BACH2: variants seen among roughly 807,000 people sequenced by gnomAD.
BACH2 encodes BACH transcriptional regulator 2, also known as transcription regulator protein BACH2.
A neutral mutation model predicts 61.8 loss-of-function variants in BACH2; 5 were observed. The observed-to-expected ratio is 0.08, with a 90% CI of 0.04 to 0.17. BACH2 has a LOEUF of 0.17. Among genes scored for constraint, BACH2 ranks in the 10% least tolerant of loss-of-function variants. BACH2 has a pLI of 1.00. For synonymous variants in BACH2, 446 were observed against 440.1 expected (o/e 1.01, Z -0.17); for missense variants, 824 against 1,091.1 (o/e 0.76, Z 3.45).
At chr6:90,285,452 T>C (rs1434889402) in intron 1 of BACH2, among the ~76,000 whole-genome samples, 1 of 152,190 alleles carries the variant, frequency 6.6e-6, no homozygotes, top group Non-Finnish European at 1.5e-5. Flanking sequence ...CTCTTTCTGA[T>C]CTTAGTAGGA....
chr6:90,266,636 T>C (rs1247903059), intron 2 of BACH2, among the ~76,000 whole-genome samples: 2 of 152,010 alleles, frequency 1.3e-5, no homozygotes, highest in Admixed American at 6.6e-5. Context: ...TTATGCTAAA[T>C]GAAAAAAGCC....
intron 6 of BACH2, among the ~76,000 whole-genome samples, chr6:89,982,889 A>G (rs1319643136): frequency 6.6e-6 from 1 of 152,146 alleles, no homozygotes; most frequent in African/African-American, 2.4e-5. Context: ...ATTCTAACAA[A>G]TGTTTTCTTT....
rs756865203 is a variant in BACH2, at chr6:89,950,463, G to A, written c.1643C>T (p.Ser548Leu). The A allele has an allele frequency of 6.2e-7, 1 of 1,614,166 alleles. No homozygotes were observed. Among genetic ancestry groups the A allele is most frequent in the Non-Finnish European group, 8.5e-7 (1 of 1,180,012 alleles). The stretch of plus-strand genomic sequence containing the variant: ...GAATCTGGCTCCCTGGGAACAGGGC[G>A]AGGAGGAGAACTCACAGAGAGGGAG... ...CSLPLCEFSS[S>L]PCSQGARFLA... The change falls in exon 7 of 9, where the codon TCG becomes TTG. Residue 548 changes from serine (S) to leucine (L), a missense_variant. By Grantham distance (145) the Ser-to-Leu change is moderately radical. Transcript: ENST00000257749. The surrounding 1 kb of genome is among the most constrained non-coding windows in gnomAD (Gnocchi z 5.3).
intron 5 of BACH2, among the ~76,000 whole-genome samples, chr6:90,024,005 G>A (rs147379092): frequency 4.6e-5 from 7 of 152,314 alleles, no homozygotes; most frequent in African/African-American, 1.4e-4. Flanking sequence ...CATTTAGAGC[G>A]AGGCAGTGTT....
chr6:90,204,213 AGT>A (rs1432854174), intron 4 of BACH2, among the ~76,000 whole-genome samples: 10 of 152,294 alleles, frequency 6.6e-5, no homozygotes, highest in African/African-American at 2.2e-4. Flanking sequence ...AGAGCATTAC[AGT>A]GTGTGTCTGA....
chr6:90,183,512 T>C (rs1206829314), intron 4 of BACH2, among the ~76,000 whole-genome samples: 2 of 152,242 alleles, frequency 1.3e-5, no homozygotes, highest in East Asian at 3.8e-4. Flanking sequence ...AAACTGATTA[T>C]GCTTGTCAAT....
chr6:90,261,949 G>A (rs1460412615), intron 2 of BACH2, among the ~76,000 whole-genome samples: 1 of 152,126 alleles, frequency 6.6e-6, no homozygotes, highest in East Asian at 1.9e-4. Context: ...TTCTGTAGGA[G>A]CAGAGTGACC....
intron 5 of BACH2, among the ~76,000 whole-genome samples, chr6:90,061,704 GA>G (rs1248003734): frequency 1.3e-5 from 2 of 151,084 alleles, no homozygotes; most frequent in South Asian, 4.2e-4. Flanking sequence ...GATTGAGAAG[GA>G]AAAAAAAATC....
intron 7 of BACH2, among the ~76,000 whole-genome samples, chr6:89,940,463 C>T (rs1322427692): frequency 6.6e-6 from 1 of 152,206 alleles, no homozygotes; most frequent in African/African-American, 2.4e-5. Flanking sequence ...TTTGTCACTC[C>T]CCTTCCCGAG....
chr6:89,973,247 T>TAA (rs71027916), intron 6 of BACH2, among the ~76,000 whole-genome samples: 3 of 150,364 alleles, frequency 2.0e-5, no homozygotes, highest in Non-Finnish European at 4.4e-5. Context: ...AGAATGAAAA[T>TAA]AAAAAAATAA....
chr6:90,163,931 T>C (rs549404579), intron 4 of BACH2, among the ~76,000 whole-genome samples: 1 of 152,198 alleles, frequency 6.6e-6, no homozygotes, highest in Non-Finnish European at 1.5e-5. Flanking sequence ...AGATAAGAAT[T>C]TATGTACTGT....
intron 4 of BACH2, among the ~76,000 whole-genome samples, chr6:90,161,435 A>C (rs1785188632): frequency 6.6e-6 from 1 of 152,220 alleles, no homozygotes. Context: ...ACTCTTAACC[A>C]CATCTTACAA....
At chr6:90,088,461 T>G (rs972257382) in intron 5 of BACH2, among the ~76,000 whole-genome samples, 4 of 152,132 alleles carry the variant, frequency 2.6e-5, no homozygotes, top group Non-Finnish European at 5.9e-5. Flanking sequence ...AATGTGAAGG[T>G]GCTAAGTGAA....
At chr6:90,296,316 C>G (rs576882756) in intron 1 of BACH2, among the ~76,000 whole-genome samples, 164 bp downstream of exon 1, 5 of 151,462 alleles carry the variant, frequency 3.3e-5, no homozygotes, top group Admixed American at 1.3e-4. Context: ...GCCATAAAAG[C>G]GGGCAGGGCG....
Position 89,950,360 on chromosome 6 carries a change from C to G in BACH2, c.1746G>C (p.Glu582Asp), listed in dbSNP as rs1037109777. ...CACTGGAGTTGGTTCCATAAGACTG[C>G]TCACATTTAATTTGGGGCCGCACTT... Reference protein sequence around the residue: ...YNQVRPQIKCEQSYGTNSSDE... With the variant: ...YNQVRPQIKCDQSYGTNSSDE... Residue 582 changes from glutamate to aspartate, a missense_variant, in exon 7 of 9, where the codon GAG becomes GAC. Glu to Asp is a conservative substitution (Grantham distance 45). Coordinates refer to ENST00000257749, the MANE Select transcript of BACH2 (RefSeq NM_021813.4). The surrounding 1 kb of genome is among the most constrained non-coding windows in gnomAD (Gnocchi z 5.3). 3 of 1,614,018 alleles carry G rather than the reference C, an allele frequency of 1.9e-6. No individual in the cohort carries two copies. The highest frequency in any genetic ancestry group is 1.6e-4 in the Middle Eastern group (1 of 6,084).
intron 4 of BACH2, among the ~76,000 whole-genome samples, chr6:90,199,817 T>C (rs1467148984): frequency 6.6e-6 from 1 of 152,284 alleles, no homozygotes; most frequent in East Asian, 1.9e-4. Context: ...AATTATTCCT[T>C]AAAAATGTAG....
chr6:90,125,865 G>A (rs1419410249), intron 4 of BACH2, among the ~76,000 whole-genome samples: 1 of 152,328 alleles, frequency 6.6e-6, no homozygotes, highest in African/African-American at 2.4e-5. Context: ...CCAAATGGGT[G>A]AAAACCCACC....
intron 1 of BACH2, among the ~76,000 whole-genome samples, chr6:90,275,368 G>T (rs947110489): frequency 5.3e-5 from 8 of 151,786 alleles, no homozygotes; most frequent in Non-Finnish European, 1.2e-4. Flanking sequence ...CCCCTACCTG[G>T]GATGCTCTCA....
intron 3 of BACH2, among the ~76,000 whole-genome samples, chr6:90,243,426 T>C (rs999887918): frequency 6.6e-6 from 1 of 152,206 alleles, no homozygotes; most frequent in Admixed American, 6.5e-5. Context: ...TTAATAATCA[T>C]GACAGTGAAG....
Sources: gnomAD v4.1 joint callset for allele counts (sites outside exome capture counted in the v4.1 genomes callset) on GRCh38, gnomAD v4.1.1 for gene constraint, Gnocchi (gnomAD v3.1) non-coding constraint, MANE v1.5 for transcripts, NCBI Gene and HGNC (gene_info 2026-07-23, HGNC 2026-07-21) for gene names.